Variants in YTHDC2 observed in about 807,000 individuals in gnomAD.
The protein encoded by YTHDC2 is 3'-5' RNA helicase YTHDC2.
Under a neutral mutation model 174.9 loss-of-function variants are expected in YTHDC2, and 45 were observed. The observed-to-expected ratio is 0.26, with a 90% CI of 0.20 to 0.33. The LOEUF is 0.33. Ranked by LOEUF, YTHDC2 falls within the 10% of genes least tolerant of loss-of-function variation. The pLI is 1.00. For synonymous variants in YTHDC2, 657 were observed against 574.5 expected, an observed-to-expected ratio of 1.14 and a Z score of -2.05; for missense variants, 1,650 against 1,723.7, an observed-to-expected ratio of 0.96 and a Z score of 0.76.
rs781636108 is a variant in YTHDC2, at chr5:113,526,581, C to G, written c.476-5C>G. On this transcript the variant is annotated splice_region_variant and splice_polypyrimidine_tract_variant and intron_variant, in intron 3 of 29. Coordinates refer to ENST00000161863, the MANE Select transcript of YTHDC2 (RefSeq NM_022828.5). Reference sequence around the variant, plus strand: ...CATTTTTTGTTCTTTTATTCATTTTCAAAGAAAACCGGGAAATGAGCAAGA... The same window carrying G: ...CATTTTTTGTTCTTTTATTCATTTTGAAAGAAAACCGGGAAATGAGCAAGA... The G allele has an allele frequency of 2.6e-6, 4 of 1,528,172 alleles. No homozygotes were observed. The highest frequency in any genetic ancestry group is 3.5e-6 in the Non-Finnish European group (4 of 1,134,546). The allele number at this position is 1,528,172 out of a possible 1,614,324, so 94.7% of individuals were successfully genotyped here. A position where few individuals can be genotyped will look rare whatever the true frequency, so the allele number is the denominator to read the frequency against.
intron 23 of YTHDC2, among the ~76,000 whole-genome samples, chr5:113,571,630 T>C (rs750790552): frequency 3.3e-5 from 5 of 152,184 alleles, no homozygotes; most frequent in Non-Finnish European, 5.9e-5. Context: ...GGTAGGCTCT[T>C]TATTACTGCC....
intron 26 of YTHDC2, among the ~76,000 whole-genome samples, chr5:113,585,248 TAAG>T (rs2112805461): frequency 6.6e-6 from 1 of 152,192 alleles, no homozygotes; most frequent in South Asian, 2.1e-4. Context: ...GAGATGTTGA[TAAG>T]AAATTGAAAA....
intron 3 of YTHDC2, 107 bp downstream of exon 3, chr5:113,525,284 T>G: frequency 4.3e-6 from 4 of 930,414 alleles, no homozygotes; most frequent in Non-Finnish European, 6.2e-6. Context: ...GATTTCTCAA[T>G]TGGAATAGTT....
chr5:113,583,390 A>AAGGAAAT (rs1778506217), intron 25 of YTHDC2: 1 of 152,222 alleles, frequency 6.6e-6, no homozygotes, highest in African/African-American at 2.4e-5. Flanking sequence ...GAACTAGGTC[A>AAGGAAAT]GTGGTACTGT....
intron 24 of YTHDC2, among the ~76,000 whole-genome samples, chr5:113,580,273 G>C (rs1778316309): frequency 6.6e-6 from 1 of 152,138 alleles, no homozygotes; most frequent in Non-Finnish European, 1.5e-5. Flanking sequence ...TCAAACTGTA[G>C]CAGTAATCCT....
intron 23 of YTHDC2, among the ~76,000 whole-genome samples, chr5:113,568,477 C>G (rs1036655403): frequency 6.6e-6 from 1 of 151,746 alleles, no homozygotes; most frequent in Non-Finnish European, 1.5e-5. Flanking sequence ...ATGTATCTAT[C>G]AAGCCCAGTG....
At chr5:113,592,215 TTC>T (rs892483074) in intron 28 of YTHDC2, 37 bp downstream of exon 28, 5 of 1,538,290 alleles carry the variant, frequency 3.3e-6, no homozygotes, top group Non-Finnish European at 4.4e-6. Context: ...TTACTTTTGT[TTC>T]TGTTTGTTTT....
chr5:113,589,479 T>C (rs1263819513), intron 26 of YTHDC2, among the ~76,000 whole-genome samples: 1 of 148,956 alleles, frequency 6.7e-6, no homozygotes, highest in African/African-American at 2.5e-5. Context: ...GTAATCCCAG[T>C]GGTTTAGGAG....
intron 26 of YTHDC2, among the ~76,000 whole-genome samples, chr5:113,590,591 G>T (rs892594744): frequency 1.3e-5 from 2 of 152,158 alleles, no homozygotes; most frequent in Non-Finnish European, 2.9e-5. Context: ...TTCTGTCTAA[G>T]ATAGTACATT....
In YTHDC2 at chr5:113,515,340, G is replaced by C. The variant is rs1304762675; in HGVS notation, c.256G>C (p.Gly86Arg). The C allele has an allele frequency of 6.2e-7, 1 of 1,612,100 alleles. No homozygotes were observed. The highest frequency in any genetic ancestry group is 2.2e-5 in the East Asian group (1 of 44,756). ...AFIHRLSQSL[G>R]LVSKSKGKGA... ...TATTCATCGACTCAGTCAGTCTCTT[G>C]GTTTGGTCTCTAAAAGTAAAGGGTA... The change falls in exon 2 of 30, where the codon GGT (glycine) becomes CGT (arginine). Residue 86 changes from glycine to arginine, a missense_variant. Coordinates refer to ENST00000161863, the MANE Select transcript of YTHDC2 (RefSeq NM_022828.5).
chr5:113,560,342 A>C (rs920511083), intron 17 of YTHDC2, among the ~76,000 whole-genome samples: 3 of 152,206 alleles, frequency 2.0e-5, no homozygotes, highest in African/African-American at 7.2e-5. Flanking sequence ...CTTGAACTTA[A>C]TGGTTGAGAA....
chr5:113,535,364 A>G (rs1432072155), intron 6 of YTHDC2, among the ~76,000 whole-genome samples: 2 of 151,596 alleles, frequency 1.3e-5, no homozygotes, highest in East Asian at 3.9e-4. Flanking sequence ...TTTTTTTTTA[A>G]TCAGGGACTT....
rs1000783715 is a variant in YTHDC2, at chr5:113,561,254, A to G, written c.2322+69A>G. On this transcript the variant is annotated intron_variant, in intron 18 of 29. Transcript: ENST00000161863. ...GAAGTGAGGGGCCATTTCAACTTCTATGGATTAGGCCTTTAAAAAATCAAT... is the reference window on the plus strand; with the variant it reads ...GAAGTGAGGGGCCATTTCAACTTCTGTGGATTAGGCCTTTAAAAAATCAAT... The G allele has an allele frequency of 3.8e-5, 46 of 1,212,164 alleles. No homozygotes were observed. The African/African-American group carries it at 5.6e-4, about 15-fold the overall frequency. The allele number at this position is 1,212,164 out of a possible 1,614,324, so 75.1% of individuals were successfully genotyped here. A position where few individuals can be genotyped will look rare whatever the true frequency, so the allele number is the denominator to read the frequency against.
Position 113,563,370 on chromosome 5 carries a change from T to C in YTHDC2, c.2323-3T>C. 1 of 1,605,364 alleles carries C rather than the reference T, an allele frequency of 6.2e-7. No homozygotes were observed. The highest frequency in any genetic ancestry group is 1.3e-5 in the African/African-American group (1 of 74,664). On this transcript the variant is annotated splice_polypyrimidine_tract_variant and splice_region_variant and intron_variant, in intron 18 of 29. Coordinates refer to ENST00000161863, the MANE Select transcript of YTHDC2 (RefSeq NM_022828.5). The stretch of plus-strand genomic sequence containing the variant: ...AAAAATTATTTACTGTTTTGGTTTA[T>C]AGGAACTTTGCTTACATACCAAGCT...
chr5:113,591,140 A>T lies in YTHDC2; in HGVS notation c.3925A>T (p.Ile1309Phe), dbSNP rs201687768. Residue 1309 changes from isoleucine to phenylalanine, a missense_variant, in exon 27 of 30, where the codon ATC (isoleucine) becomes TTC (phenylalanine). This residue lies in a region of YTHDC2 where 913 missense variants were observed against 940.4 expected (regional missense o/e 0.97). Transcript: ENST00000161863. ...CCTTGAAATTTCTCAACAGAAGGGTATCTGGTCTACAACTCCTAGTAATGA... is the reference window on the plus strand; with the variant it reads ...CCTTGAAATTTCTCAACAGAAGGGTTTCTGGTCTACAACTCCTAGTAATGA... ...RNLEISQQKG[I>F]WSTTPSNERK... The T allele has an allele frequency of 6.2e-7, 1 of 1,614,006 alleles. No homozygotes were observed. Among genetic ancestry groups the T allele is most frequent in the South Asian group, 1.1e-5 (1 of 91,078 alleles).
chr5:113,590,197 C>A (rs1288194469), intron 26 of YTHDC2, among the ~76,000 whole-genome samples: 1 of 152,106 alleles, frequency 6.6e-6, no homozygotes, highest in Non-Finnish European at 1.5e-5. Flanking sequence ...ATATTCCTTT[C>A]AATAGCGTTA....
intron 4 of YTHDC2, among the ~76,000 whole-genome samples, chr5:113,528,414 T>G (rs939855795): frequency 4.6e-5 from 7 of 152,258 alleles, no homozygotes; most frequent in Non-Finnish European, 8.8e-5. Context: ...GTATTTTATC[T>G]TGCCTTTAAT....
chr5:113,525,625 A>G (rs1009748110), intron 3 of YTHDC2, among the ~76,000 whole-genome samples: 32 of 152,274 alleles, frequency 2.1e-4, no homozygotes, highest in African/African-American at 7.2e-4. Flanking sequence ...TTATGCTGCC[A>G]TAACACACTA....
rs146290661 is a variant in YTHDC2 at position 113,539,135 on chromosome 5, A to G, written c.1164A>G (p.Gly388=). Residue 388 remains glycine (G), a synonymous_variant, in exon 8 of 30, where the codon GGA becomes GGG. Coordinates refer to ENST00000161863, the MANE Select transcript of YTHDC2 (RefSeq NM_022828.5). ...MFLEDILRTT[G]YTNKEMLKYK... is the part of the protein sequence containing the mutation. ...TGGAAGATATTTTAAGAACAACTGG[A>G]TATACAAACAAAGAAATGTTAAAAT... is the stretch of plus-strand genomic sequence containing the variant. 1.4e-4 allele frequency: 197 copies of G among 1,434,044 alleles called. No individual in the cohort carries two copies. The African/African-American group carries it at 2.6e-3, about 19-fold the overall frequency. The allele number at this position is 1,434,044 out of a possible 1,614,324, so 88.8% of individuals were successfully genotyped here. A position where few individuals can be genotyped will look rare whatever the true frequency, so the allele number is the denominator to read the frequency against.
Sources: gnomAD v4.1 joint callset for allele counts (sites outside exome capture counted in the v4.1 genomes callset) on GRCh38, gnomAD v4.1.1 for gene constraint, gnomAD v4.1.1 regional missense constraint, MANE v1.5 for transcripts, NCBI Gene and HGNC (gene_info 2026-07-23, HGNC 2026-07-21) for gene names.